VWA5B1: variants seen among roughly 807,000 people sequenced by gnomAD.
VWA5B1 encodes von Willebrand factor A domain-containing protein 5B1.
Under a neutral mutation model 118.2 loss-of-function variants are expected in VWA5B1, and 115 were observed. That is an observed-to-expected ratio of 0.97 (90% CI 0.84 to 1.14). The LOEUF is 1.14. Among genes scored for constraint, VWA5B1 ranks in the 50% most tolerant of loss-of-function variants. The pLI is 0.00. For missense variants in VWA5B1, 1,596 were observed against 1,603.8 expected (o/e 1.00, Z 0.08); for synonymous variants, 682 against 658.4 (o/e 1.04, Z -0.55).
chr1:20,313,455 G>A (rs2088908907), intron 3 of VWA5B1, among the ~76,000 whole-genome samples: 1 of 152,162 alleles, frequency 6.6e-6, no homozygotes, highest in Non-Finnish European at 1.5e-5. Flanking sequence ...TGCACGCAGA[G>A]GACTCACATC....
intron 13 of VWA5B1, 118 bp downstream of exon 13, chr1:20,336,604 C>A (rs560346469): frequency 8.8e-7 from 1 of 1,132,932 alleles, no homozygotes; most frequent in Non-Finnish European, 1.1e-6. Flanking sequence ...ACTGTTATAC[C>A]CACTTTACAG....
In VWA5B1 at chr1:20,348,251, C is replaced by T; in HGVS notation, c.2771C>T (p.Ala924Val). 1 of 1,551,644 alleles carries T rather than the reference C, an allele frequency of 6.4e-7. No homozygotes were observed. The highest frequency in any genetic ancestry group is 8.7e-7 in the Non-Finnish European group (1 of 1,147,000). ...CCCCTTGTCTTCCGCGAAGGAGCTG[C>T]CCTGCGTATGCTTGGCTCTCGGGCC... is the stretch of plus-strand genomic sequence containing the variant. ...TVVEYPNSGA[A>V]LRMLGSRALA... The change falls in exon 18 of 22, where the codon GCC (alanine) becomes GTC (valine). Residue 924 changes from alanine (A) to valine (V), a missense_variant. By Grantham distance (64) the Ala-to-Val change is moderately conservative. Coordinates refer to ENST00000289815, the MANE Select transcript of VWA5B1 (RefSeq NM_001039500.3).
chr1:20,341,147 G>A (rs915803997), intron 14 of VWA5B1, among the ~76,000 whole-genome samples: 1 of 152,196 alleles, frequency 6.6e-6, no homozygotes, highest in African/African-American at 2.4e-5. Flanking sequence ...TCAATGTTGT[G>A]TGACGTTCCA....
At chr1:20,331,639 T>G (rs1557426993) in intron 11 of VWA5B1, among the ~76,000 whole-genome samples, 1 of 151,798 alleles carries the variant, frequency 6.6e-6, no homozygotes, top group Non-Finnish European at 1.5e-5. Flanking sequence ...AGCAGGGAGC[T>G]CTGGAGCAAA....
chr1:20,354,143 A>G lies in VWA5B1; in HGVS notation c.3528A>G (p.Val1176=), dbSNP rs1212592500. Residue 1176 remains valine, a synonymous_variant, in exon 22 of 22, where the codon GTA becomes GTG. Coordinates refer to ENST00000289815, the MANE Select transcript of VWA5B1 (RefSeq NM_001039500.3). The part of the protein sequence containing the change: ...KANSWLEQQE[V]PEGRTQGTLK... The stretch of plus-strand genomic sequence containing the variant: ...ACTCATGGCTGGAGCAGCAGGAAGT[A>G]CCCGAGGGCCGCACGCAGGGCACAC... The G allele has an allele frequency of 6.4e-7, 1 of 1,551,352 alleles. No individual in the cohort carries two copies.
At position 20,292,522 on chromosome 1, in the gene VWA5B1, C is replaced by A. The variant is rs191681888; in HGVS notation, c.-27+1434C>A. 3.8e-3 allele frequency among the ~76,000 whole-genome samples: 586 copies of A among 152,278 alleles called. 4 individuals carry two copies. The highest frequency in any genetic ancestry group is 4.7e-3 in the Non-Finnish European group (322 of 68,022). On this transcript the variant is annotated intron_variant, in intron 1 of 21. Transcript: ENST00000289815. ...GGTAGGGACGTGTATCGGGGAACTA[C>A]ATGAGTTGGTAAGTGGGTCTGTGTG...
chr1:20,308,442 A>G (rs1041317159), intron 1 of VWA5B1, among the ~76,000 whole-genome samples: 7 of 152,156 alleles, frequency 4.6e-5, no homozygotes, highest in African/African-American at 7.2e-5. Flanking sequence ...GCGTTCCCCA[A>G]TCAGCATTCC....
Position 20,343,170 on chromosome 1 carries a change from GC to G in VWA5B1, c.2406del (p.Ala803ProfsTer25). ...ESQERASPSR[P>X]ATPAPVLGKA... ...CCCAGGAGCGAGCCAGTCCCAGCAG[GC>G]CCGCCACCCCGGCCCCGGTGCTGGG... On this transcript the variant is annotated frameshift_variant, in exon 16 of 22. Coordinates refer to ENST00000289815, the MANE Select transcript of VWA5B1 (RefSeq NM_001039500.3). LOFTEE classifies it high-confidence loss of function. The G allele has an allele frequency of 6.5e-7, 1 of 1,549,308 alleles. No homozygotes were observed. Among genetic ancestry groups the G allele is most frequent in the Non-Finnish European group, 8.7e-7 (1 of 1,146,292 alleles).
chr1:20,292,980 T>C (rs2088339851), intron 1 of VWA5B1, among the ~76,000 whole-genome samples: 1 of 152,176 alleles, frequency 6.6e-6, no homozygotes, highest in Non-Finnish European at 1.5e-5. Context: ...ATCTGTGACC[T>C]CACAGAAAAT....
chr1:20,320,671 G>A (rs10916764), intron 7 of VWA5B1, among the ~76,000 whole-genome samples: 28,449 of 152,266 alleles, frequency 0.19, 3,004 homozygotes, highest in East Asian at 0.39. Context: ...CAAATAGCCC[G>A]TATTCTCACA....
At chr1:20,295,653 G>C (rs1335085886) in intron 1 of VWA5B1, among the ~76,000 whole-genome samples, 1 of 152,184 alleles carries the variant, frequency 6.6e-6, no homozygotes, top group Admixed American at 6.5e-5. Flanking sequence ...CCTTCCCTGG[G>C]TGCCACTGTG....
chr1:20,332,917 G>T lies in VWA5B1; in HGVS notation c.1724G>T (p.Cys575Phe). Residue 575 changes from cysteine (C) to phenylalanine (F), a missense_variant, in exon 12 of 22, where the codon TGT (cysteine) becomes TTT (phenylalanine). Cys to Phe is a radical substitution (Grantham distance 205, BLOSUM62 -2). Transcript: ENST00000289815. ...GERLVGYGIV[C>F]DASLHISNPR... ...CGGCTGGTGGGGTATGGCATTGTAT[G>T]TGATGCTTCTTTGCACATCTCCAAT... The T allele has an allele frequency of 1.3e-6, 2 of 1,551,918 alleles. No individual in the cohort carries two copies. Among genetic ancestry groups the T allele is most frequent in the Non-Finnish European group, 1.7e-6 (2 of 1,147,048 alleles).
chr1:20,321,129 A>AAAAC (rs1553198060), intron 7 of VWA5B1, among the ~76,000 whole-genome samples: 1 of 150,802 alleles, frequency 6.6e-6, no homozygotes, highest in Non-Finnish European at 1.5e-5. Context: ...AAAAAAAAAA[A>AAAAC]CACGAAAAGA....
rs1197631202 is a variant in VWA5B1, at chr1:20,354,237, C to T, written c.3622C>T (p.Leu1208Phe). Reference sequence around the variant, plus strand: ...GGATGAGAATCTCGAGTTCAATATGCTCTGCTATAACCCGAATTATGTGTA... The same window carrying T: ...GGATGAGAATCTCGAGTTCAATATGTTCTGCTATAACCCGAATTATGTGTA... ...HWDENLEFNM[L>F]CYNPNYV The change falls in exon 22 of 22, where the codon CTC (leucine) becomes TTC (phenylalanine). Residue 1208 changes from leucine (L) to phenylalanine (F), a missense_variant. By Grantham distance (22) the Leu-to-Phe change is conservative. Coordinates refer to ENST00000289815, the MANE Select transcript of VWA5B1 (RefSeq NM_001039500.3). 3.2e-6 allele frequency: 5 copies of T among 1,550,116 alleles called. No individual in the cohort carries two copies. Among genetic ancestry groups the T allele is most frequent in the South Asian group, 2.4e-5 (2 of 83,948 alleles).
In VWA5B1 at chr1:20,356,517, C is replaced by T. The variant is rs563843813; in HGVS notation, c.*2254C>T. ...ATGAGTCTGATTCTGGGTCTCCAGGCCTCAGCCTGGACAATGGCCAGGGCT... is the reference window on the plus strand; with the variant it reads ...ATGAGTCTGATTCTGGGTCTCCAGGTCTCAGCCTGGACAATGGCCAGGGCT... On this transcript the variant is annotated 3_prime_UTR_variant, in exon 22 of 22. Coordinates refer to ENST00000289815, the MANE Select transcript of VWA5B1 (RefSeq NM_001039500.3). 6.6e-6 allele frequency among the ~76,000 whole-genome samples: 1 copy of T among 152,298 alleles called. No homozygotes were observed. Among genetic ancestry groups the T allele is most frequent in the East Asian group, 1.9e-4 (1 of 5,160 alleles).
chr1:20,345,541 G>A lies in VWA5B1; in HGVS notation c.2712G>A (p.Val904=). ...GCAAATACACAGCCTTCGTGCCTGT[G>A]GACGTGAGCAAGAGCCGGTACCTGC... is the stretch of plus-strand genomic sequence containing the variant. The part of the protein sequence containing the change: ...IISKYTAFVP[V]DVSKSRYLPT... The change falls in exon 17 of 22, where the codon GTG becomes GTA. Residue 904 remains valine (V), a synonymous_variant. Transcript: ENST00000289815. 6.4e-7 allele frequency: 1 copy of A among 1,551,174 alleles called. No individual in the cohort carries two copies. Among genetic ancestry groups the A allele is most frequent in the South Asian group, 1.2e-5 (1 of 84,046 alleles).
chr1:20,323,137 G>A, intron 7 of VWA5B1: 1 of 380,680 alleles, frequency 2.6e-6, no homozygotes, highest in Non-Finnish European at 4.6e-6. Context: ...GACAGAGCTG[G>A]GATTCAAACC....
At chr1:20,317,140 A>G (rs538305889) in intron 4 of VWA5B1, among the ~76,000 whole-genome samples, 9,367 of 135,682 alleles carry the variant, frequency 0.069, 347 homozygotes, top group Middle Eastern at 0.083. Context: ...TGGGTGACTG[A>G]GCAAGACTGC....
chr1:20,312,032 G>A (rs575028018), intron 2 of VWA5B1, among the ~76,000 whole-genome samples: 58 of 152,310 alleles, frequency 3.8e-4, no homozygotes, highest in East Asian at 1.4e-3. Context: ...CAGAGGGAGC[G>A]GAGGTCGGGG....
Sources: allele counts gnomAD v4.1 joint callset (sites outside exome capture counted in the v4.1 genomes callset), GRCh38; gene constraint gnomAD v4.1.1; transcripts MANE v1.5; gene names NCBI Gene and HGNC (gene_info 2026-07-23, HGNC 2026-07-21).